GRIK2: variants seen among roughly 807,000 people sequenced by gnomAD.
The protein encoded by GRIK2 is glutamate receptor ionotropic, kainate 2.
A neutral mutation model predicts 100.3 loss-of-function variants in GRIK2; 32 were observed. The observed-to-expected ratio is 0.32, with a 90% CI of 0.24 to 0.43. The LOEUF (loss-of-function observed/expected upper bound fraction) is 0.43, where lower values mean the gene tolerates loss of function less well. GRIK2 is among the 20% of genes least tolerant of loss of function. GRIK2 has a pLI of 1.00. For missense variants in GRIK2, 843 were observed against 1,114.9 expected, an observed-to-expected ratio of 0.76 and a Z score of 3.47; for synonymous variants, 417 against 389.4, an observed-to-expected ratio of 1.07 and a Z score of -0.83.
chr6:101,910,096 T>C (rs139113840), intron 12 of GRIK2, among the ~76,000 whole-genome samples: 1 of 151,312 alleles, frequency 6.6e-6, no homozygotes, highest in Admixed American at 6.6e-5. Context: ...ATCACTTAAA[T>C]TATTTTAAAT....
intron 2 of GRIK2, among the ~76,000 whole-genome samples, chr6:101,408,495 G>C (rs770692205): frequency 2.0e-5 from 3 of 152,106 alleles, no homozygotes; most frequent in East Asian, 1.9e-4. Context: ...GAAAGCTAGA[G>C]ACCCAGTGGT....
intron 9 of GRIK2, among the ~76,000 whole-genome samples, chr6:101,813,700 A>G (rs1339182670): frequency 1.3e-5 from 2 of 152,180 alleles, no homozygotes; most frequent in African/African-American, 4.8e-5. Context: ...ACGGTGGCTC[A>G]TGCTTGTAAT....
intron 9 of GRIK2, among the ~76,000 whole-genome samples, chr6:101,803,288 G>A (rs112290147): frequency 0.026 from 3,885 of 151,772 alleles, 174 homozygotes; most frequent in African/African-American, 0.088. Flanking sequence ...GACCTACGAA[G>A]GGCTTTCTTA....
intron 2 of GRIK2, among the ~76,000 whole-genome samples, chr6:101,564,946 C>G (rs898112922): frequency 6.6e-6 from 1 of 152,100 alleles, no homozygotes; most frequent in Non-Finnish European, 1.5e-5. Context: ...ATTATACTCT[C>G]TCTCCCTCCT....
At chr6:101,623,377 G>A (rs1780263154) in intron 3 of GRIK2, among the ~76,000 whole-genome samples, 1 of 151,974 alleles carries the variant, frequency 6.6e-6, no homozygotes, top group Non-Finnish European at 1.5e-5. Context: ...CTGAGAAAAA[G>A]GTTAAAGGTA....
At chr6:101,408,636 C>CT (rs1292089642) in intron 2 of GRIK2, among the ~76,000 whole-genome samples, 1 of 151,980 alleles carries the variant, frequency 6.6e-6, no homozygotes, top group East Asian at 1.9e-4. Context: ...GAGGAATTCC[C>CT]TTTTTTTCTC....
intron 2 of GRIK2, among the ~76,000 whole-genome samples, chr6:101,574,102 T>A (rs1777683442): frequency 1.3e-5 from 2 of 151,242 alleles, no homozygotes; most frequent in Non-Finnish European, 3.0e-5. Flanking sequence ...AGATTATATA[T>A]AAAAATATTT....
intron 12 of GRIK2, among the ~76,000 whole-genome samples, chr6:101,908,501 T>C (rs879703024): frequency 6.6e-6 from 1 of 151,312 alleles, no homozygotes; most frequent in African/African-American, 2.4e-5. Context: ...ACATTACAGA[T>C]AAATATATTT....
At chr6:101,508,940 G>GA (rs1774158173) in intron 2 of GRIK2, among the ~76,000 whole-genome samples, 2 of 152,108 alleles carry the variant, frequency 1.3e-5, no homozygotes, top group Non-Finnish European at 2.9e-5. Context: ...TGGATCATGA[G>GA]GGCAGGAGAT....
At chr6:101,485,000 C>G (rs1772742376) in intron 2 of GRIK2, among the ~76,000 whole-genome samples, 1 of 152,136 alleles carries the variant, frequency 6.6e-6, no homozygotes, top group Non-Finnish European at 1.5e-5. Context: ...TCAATTGAAA[C>G]ACATTTCTCC....
At chr6:101,926,410 C>A (rs1459181715) in intron 13 of GRIK2, among the ~76,000 whole-genome samples, 1 of 152,066 alleles carries the variant, frequency 6.6e-6, no homozygotes, top group African/African-American at 2.4e-5. Flanking sequence ...TCATAATAAA[C>A]ATCTGACCAT....
At chr6:101,552,078 T>C (rs1366432198) in intron 2 of GRIK2, among the ~76,000 whole-genome samples, 1 of 152,128 alleles carries the variant, frequency 6.6e-6, no homozygotes, top group Admixed American at 6.5e-5. Context: ...GCATGTGTAG[T>C]TTTTTTCAGT....
intron 2 of GRIK2, among the ~76,000 whole-genome samples, chr6:101,561,059 C>G (rs188036434): frequency 2.5e-3 from 383 of 152,250 alleles, no homozygotes; most frequent in African/African-American, 8.8e-3. Flanking sequence ...CAAAAGATAG[C>G]AAACATAGAC....
intron 7 of GRIK2, among the ~76,000 whole-genome samples, chr6:101,765,154 A>G (rs891930851): frequency 5.6e-4 from 85 of 152,122 alleles, no homozygotes; most frequent in African/African-American, 1.9e-3. Context: ...CCCCAAGTTA[A>G]TTTCAGTTAG....
intron 14 of GRIK2, among the ~76,000 whole-genome samples, chr6:101,967,572 A>G (rs923277024): frequency 6.6e-6 from 1 of 152,094 alleles, no homozygotes; most frequent in African/African-American, 2.4e-5. Flanking sequence ...CACAAAGACG[A>G]CTTGTACCTG....
At chr6:101,575,295 A>G (rs1777741558) in intron 2 of GRIK2, among the ~76,000 whole-genome samples, 1 of 151,972 alleles carries the variant, frequency 6.6e-6, no homozygotes, top group African/African-American at 2.4e-5. Flanking sequence ...CAAATAAATT[A>G]CAAATGTAAT....
chr6:101,608,784 G>GGTGTGTGT (rs71689029), intron 2 of GRIK2, among the ~76,000 whole-genome samples: 6 of 141,970 alleles, frequency 4.2e-5, no homozygotes, highest in African/African-American at 1.6e-4. Flanking sequence ...CTCATAGAGG[G>GGTGTGTGT]GTGTGTGTGT....
intron 7 of GRIK2, among the ~76,000 whole-genome samples, chr6:101,699,477 A>G (rs546716967): frequency 1.3e-5 from 2 of 152,088 alleles, no homozygotes; most frequent in Non-Finnish European, 2.9e-5. Context: ...CTCTTCTCTG[A>G]GACTATCAGG....
chr6:101,889,532 C>A, intron 11 of GRIK2, 108 bp from the exon 12 acceptor site: 1 of 636,860 alleles, frequency 1.6e-6, no homozygotes. Context: ...AGTGTAAAGC[C>A]TTTGTTTTAT....
Sources: allele counts gnomAD v4.1 joint callset (sites outside exome capture counted in the v4.1 genomes callset), GRCh38; gene constraint gnomAD v4.1.1; transcripts MANE v1.5; gene names NCBI Gene and HGNC (gene_info 2026-07-23, HGNC 2026-07-21).